Variants in PTPRM observed in about 807,000 individuals in gnomAD.
PTPRM encodes receptor-type tyrosine-protein phosphatase mu.
PTPRM carries 47 observed loss-of-function variants against 186.7 expected under a neutral mutation model. The observed-to-expected ratio is 0.25, with a 90% CI of 0.20 to 0.32. The LOEUF is 0.32. PTPRM is among the 10% of genes least tolerant of loss of function. The probability of loss-of-function intolerance (pLI) is 1.00; values close to 1 mark genes in which losing one functional copy is unlikely to be tolerated. For synonymous variants in PTPRM, 668 were observed against 674.9 expected, an observed-to-expected ratio of 0.99 and a Z score of 0.16; for missense variants, 1,494 against 1,865.0, an observed-to-expected ratio of 0.80 and a Z score of 3.66.
chr18:7,907,889 C>CTTT (rs200193157), intron 4 of PTPRM, among the ~76,000 whole-genome samples: 572 of 143,200 alleles, frequency 4.0e-3, no homozygotes, highest in African/African-American at 0.013. Flanking sequence ...TCTCTGTATT[C>CTTT]TTTTTTTTTT....
At chr18:8,042,620 T>A (rs2086764174) in intron 7 of PTPRM, among the ~76,000 whole-genome samples, 1 of 152,092 alleles carries the variant, frequency 6.6e-6, no homozygotes, top group South Asian at 2.1e-4. Context: ...TGACTCCTTC[T>A]CCCCTACCCT....
At chr18:8,243,967 G>C (rs2094454621) in intron 14 of PTPRM, 91 bp from the exon 15 acceptor site, 1 of 1,259,414 alleles carries the variant, frequency 7.9e-7, no homozygotes, top group Non-Finnish European at 1.1e-6. Context: ...TAATTCAGTA[G>C]ATGTTATTCC....
rs370746043 is a variant in PTPRM, at chr18:7,842,947, T to TATATAGAGAGAGAGAG, written c.197-45158_197-45157insTATAGAGAGAGAGAGA. Among the ~76,000 whole-genome samples the TATATAGAGAGAGAGAG allele has an allele frequency of 4.6e-4, 52 of 112,114 alleles. 1 individual carries two copies. The East Asian group carries it at 6.5e-3, about 14-fold the overall frequency. 73.6% of individuals were successfully genotyped at this position (112,114 alleles called of 152,430 possible). On this transcript the variant is annotated intron_variant, in intron 2 of 32. Transcript: ENST00000580170. ...GTGTGTGTGTATATATATATATATA[T>TATATAGAGAGAGAGAG]AGAGAGAGAGAGAGAGAGAGAGAGA...
At chr18:7,899,916 T>G (rs1353985924) in intron 3 of PTPRM, among the ~76,000 whole-genome samples, 2 of 152,236 alleles carry the variant, frequency 1.3e-5, no homozygotes, top group African/African-American at 4.8e-5. Context: ...AGTGGGTATT[T>G]AGAAAACCAC....
At chr18:7,618,849 T>G (rs2037869971) in intron 1 of PTPRM, among the ~76,000 whole-genome samples, 1 of 152,186 alleles carries the variant, frequency 6.6e-6, no homozygotes. Context: ...GGCTGGCAAT[T>G]TTGTGTGGGA....
chr18:7,952,470 G>A (rs946703039), intron 6 of PTPRM, among the ~76,000 whole-genome samples: 17 of 146,558 alleles, frequency 1.2e-4, no homozygotes, highest in African/African-American at 3.3e-4. Context: ...AGGCTGAGGC[G>A]GGTGGATCAC....
chr18:7,905,267 A>G (rs1355095669), intron 3 of PTPRM, among the ~76,000 whole-genome samples: 1 of 152,142 alleles, frequency 6.6e-6, no homozygotes, highest in Non-Finnish European at 1.5e-5. Context: ...TGCTGGGTTT[A>G]TAGGCCTGAG....
intron 2 of PTPRM, among the ~76,000 whole-genome samples, chr18:7,783,182 A>C (rs963079723): frequency 3.3e-5 from 5 of 152,084 alleles, no homozygotes; most frequent in African/African-American, 1.2e-4. Flanking sequence ...AGTGGGTGAG[A>C]GGTGGGAGAG....
chr18:7,589,864 G>A (rs969662334), intron 1 of PTPRM, among the ~76,000 whole-genome samples: 1 of 152,092 alleles, frequency 6.6e-6, no homozygotes, highest in African/African-American at 2.4e-5. Flanking sequence ...AGCTGAATTC[G>A]CACCTTATTC....
At chr18:8,243,328 G>C (rs1015490212) in intron 14 of PTPRM, among the ~76,000 whole-genome samples, 1 of 152,116 alleles carries the variant, frequency 6.6e-6, no homozygotes, top group African/African-American at 2.4e-5. Context: ...CCTGCTGAAC[G>C]TTGCAGGGAA....
At chr18:8,031,047 G>A (rs761355158) in intron 7 of PTPRM, among the ~76,000 whole-genome samples, 36 of 152,028 alleles carry the variant, frequency 2.4e-4, no homozygotes, top group Middle Eastern at 3.2e-3. Flanking sequence ...TCCCTCCTTG[G>A]AAAACGGTTG....
chr18:7,607,661 C>A (rs918841729), intron 1 of PTPRM, among the ~76,000 whole-genome samples: 1 of 152,232 alleles, frequency 6.6e-6, no homozygotes, highest in African/African-American at 2.4e-5. Context: ...CATGTGCCAG[C>A]TTGATCTGGC....
At chr18:7,886,278 A>G (rs2048781370) in intron 2 of PTPRM, among the ~76,000 whole-genome samples, 1 of 152,184 alleles carries the variant, frequency 6.6e-6, no homozygotes, top group African/African-American at 2.4e-5. Context: ...GGGTTCATCA[A>G]CCCTGCATGT....
chr18:8,316,562 T>C (rs1405884475), intron 21 of PTPRM, among the ~76,000 whole-genome samples: 2 of 152,184 alleles, frequency 1.3e-5, no homozygotes, highest in African/African-American at 2.4e-5. Context: ...ATAGATCTTA[T>C]TGAGTACTTG....
chr18:8,187,676 G>A (rs866509466), intron 14 of PTPRM, among the ~76,000 whole-genome samples: 29 of 152,218 alleles, frequency 1.9e-4, no homozygotes, highest in African/African-American at 6.8e-4. Flanking sequence ...GTTGGCAACA[G>A]AAGAGATGGA....
chr18:8,304,414 G>A (rs2095196814), intron 20 of PTPRM, among the ~76,000 whole-genome samples: 1 of 152,090 alleles, frequency 6.6e-6, no homozygotes, highest in South Asian at 2.1e-4. Flanking sequence ...CTAAGCACTG[G>A]TTTGTTGTGA....
intron 14 of PTPRM, among the ~76,000 whole-genome samples, chr18:8,215,233 C>G (rs17399904): frequency 0.037 from 5,676 of 152,056 alleles, 208 homozygotes; most frequent in Middle Eastern, 0.26. Context: ...GGTGAAGCAC[C>G]ACATAAACAG....
At chr18:8,268,986 A>G (rs2147600227) in intron 19 of PTPRM, among the ~76,000 whole-genome samples, 1 of 152,138 alleles carries the variant, frequency 6.6e-6, no homozygotes, top group South Asian at 2.1e-4. Context: ...AGAAAAGCTG[A>G]AAGCTTTTCT....
chr18:8,315,365 C>T (rs2095301873), intron 21 of PTPRM, among the ~76,000 whole-genome samples: 1 of 152,180 alleles, frequency 6.6e-6, no homozygotes, highest in Non-Finnish European at 1.5e-5. Context: ...CATCTGTTCA[C>T]CAGGACTTCT....
Sources: allele counts gnomAD v4.1 joint callset (sites outside exome capture counted in the v4.1 genomes callset), GRCh38; gene constraint gnomAD v4.1.1; transcripts MANE v1.5; gene names NCBI Gene and HGNC (gene_info 2026-07-23, HGNC 2026-07-21).